Variants in SLC24A3 observed in about 807,000 individuals in gnomAD.
The protein encoded by SLC24A3 is sodium/potassium/calcium exchanger 3.
Under a neutral mutation model 75.8 loss-of-function variants are expected in SLC24A3, and 28 were observed. That is an observed-to-expected ratio of 0.37 (90% CI 0.27 to 0.51). The LOEUF (loss-of-function observed/expected upper bound fraction) is 0.51, where lower values mean the gene tolerates loss of function less well. SLC24A3 is among the 20% of genes least tolerant of loss of function. The pLI, the probability that SLC24A3 is intolerant of heterozygous loss-of-function variation, is 0.94. For synonymous variants in SLC24A3, 372 were observed against 334.1 expected (o/e 1.11, Z -1.24); for missense variants, 663 against 847.8 (o/e 0.78, Z 2.71).
At chr20:19,677,931 G>T (rs1400919561) in intron 9 of SLC24A3, among the ~76,000 whole-genome samples, 2 of 151,262 alleles carry the variant, frequency 1.3e-5, no homozygotes, top group African/African-American at 2.4e-5. Flanking sequence ...CTGCCTTCAA[G>T]CATCTGTTTA....
chr20:19,631,514 T>C (rs1240148591), intron 6 of SLC24A3, among the ~76,000 whole-genome samples: 2 of 152,154 alleles, frequency 1.3e-5, no homozygotes, highest in African/African-American at 4.8e-5. Flanking sequence ...CTATTGTAAG[T>C]TGAAGATATT....
intron 2 of SLC24A3, among the ~76,000 whole-genome samples, chr20:19,282,659 G>T (rs888899156): frequency 6.6e-6 from 1 of 152,252 alleles, no homozygotes; most frequent in African/African-American, 2.4e-5. Flanking sequence ...TCAGCTAATA[G>T]TATTAGAAAG....
intron 1 of SLC24A3, among the ~76,000 whole-genome samples, chr20:19,231,116 GT>G (rs1982009624): frequency 6.6e-6 from 1 of 152,092 alleles, no homozygotes; most frequent in Non-Finnish European, 1.5e-5. Flanking sequence ...CTTTCCCAAG[GT>G]AAAAAACAGG....
At chr20:19,649,469 C>T (rs2032175590) in intron 6 of SLC24A3, among the ~76,000 whole-genome samples, 1 of 152,148 alleles carries the variant, frequency 6.6e-6, no homozygotes. Flanking sequence ...TAGAATATAT[C>T]CCTTCCATAT....
At chr20:19,252,892 A>G (rs1279412670) in intron 1 of SLC24A3, among the ~76,000 whole-genome samples, 1 of 152,244 alleles carries the variant, frequency 6.6e-6, no homozygotes, top group Non-Finnish European at 1.5e-5. Flanking sequence ...AAAGAGACAC[A>G]TAGAAGAGGT....
chr20:19,214,675 A>G (rs6112257), intron 1 of SLC24A3, among the ~76,000 whole-genome samples: 62,062 of 151,916 alleles, frequency 0.41, 14,320 homozygotes, highest in East Asian at 0.77. Flanking sequence ...GGGATTTGGG[A>G]GGAGAGGAGG....
At chr20:19,670,209 T>A (rs1208898579) in intron 8 of SLC24A3, among the ~76,000 whole-genome samples, 1 of 123,556 alleles carries the variant, frequency 8.1e-6, no homozygotes, top group Admixed American at 8.7e-5. Flanking sequence ...GGAGAGGGGG[T>A]GGGGGGAAGG....
At chr20:19,355,749 T>G (rs2122331563) in intron 2 of SLC24A3, among the ~76,000 whole-genome samples, 1 of 152,320 alleles carries the variant, frequency 6.6e-6, no homozygotes, top group East Asian at 1.9e-4. Flanking sequence ...CAAGATCTGG[T>G]AGTGAGCCTA....
intron 2 of SLC24A3, among the ~76,000 whole-genome samples, chr20:19,333,149 GT>G (rs1261307402): frequency 6.6e-6 from 1 of 152,224 alleles, no homozygotes; most frequent in East Asian, 1.9e-4. Context: ...TTCAAGCCAT[GT>G]GGCTGTCTGT....
At chr20:19,528,256 G>A (rs772332108) in intron 3 of SLC24A3, among the ~76,000 whole-genome samples, 3 of 152,074 alleles carry the variant, frequency 2.0e-5, no homozygotes, top group Non-Finnish European at 2.9e-5. Context: ...ATTTGGAACC[G>A]GATCCCAAAG....
intron 2 of SLC24A3, among the ~76,000 whole-genome samples, chr20:19,445,217 A>G (rs928257600): frequency 3.9e-5 from 6 of 152,190 alleles, no homozygotes; most frequent in African/African-American, 1.4e-4. Flanking sequence ...ATTTCTAAAT[A>G]TAACCACTGG....
At chr20:19,586,976 G>A (rs1285084305) in intron 6 of SLC24A3, among the ~76,000 whole-genome samples, 1 of 152,176 alleles carries the variant, frequency 6.6e-6, no homozygotes, top group Non-Finnish European at 1.5e-5. Flanking sequence ...TAAAAAATGA[G>A]TCTCTGCCTT....
intron 3 of SLC24A3, among the ~76,000 whole-genome samples, chr20:19,515,875 C>T (rs2029977975): frequency 6.6e-6 from 1 of 152,226 alleles, no homozygotes; most frequent in Admixed American, 6.5e-5. Context: ...TCTTGGGGAG[C>T]CCTTTCCTAA....
At position 19,262,248 on chromosome 20, in the gene SLC24A3, CA is replaced by C. The variant is rs372221539; in HGVS notation, c.143-18704del. ...GAAACCCCGTCTCTACTAAAAAACACAAAAAAATTAGCCGGGCGTGGTGGCG... is the reference window on the plus strand; with the variant it reads ...GAAACCCCGTCTCTACTAAAAAACACAAAAAATTAGCCGGGCGTGGTGGCG... On this transcript the variant is annotated intron_variant, in intron 1 of 16. Coordinates refer to ENST00000328041, the MANE Select transcript of SLC24A3 (RefSeq NM_020689.4). Among the ~76,000 whole-genome samples, 302 of 150,730 alleles carry C rather than the reference CA, an allele frequency of 2.0e-3. 8 individuals carry two copies. In the South Asian group the frequency reaches 0.059, roughly 29 times the overall value.
chr20:19,288,956 A>G (rs992440494), intron 2 of SLC24A3, among the ~76,000 whole-genome samples: 9 of 152,198 alleles, frequency 5.9e-5, no homozygotes, highest in African/African-American at 1.9e-4. Context: ...TGAAAAGCCT[A>G]AAATATTTAT....
intron 6 of SLC24A3, among the ~76,000 whole-genome samples, chr20:19,648,393 C>T (rs1026366243): frequency 6.6e-6 from 1 of 152,110 alleles, no homozygotes; most frequent in African/African-American, 2.4e-5. Context: ...TTCTCACAGA[C>T]ACTAACAGTT....
chr20:19,628,071 G>T (rs371242204), intron 6 of SLC24A3, among the ~76,000 whole-genome samples: 1 of 151,120 alleles, frequency 6.6e-6, no homozygotes, highest in Non-Finnish European at 1.5e-5. Flanking sequence ...AGGCATGGTG[G>T]GGCACGCCTA....
At chr20:19,311,386 GC>G (rs1358977525) in intron 2 of SLC24A3, among the ~76,000 whole-genome samples, 1 of 152,160 alleles carries the variant, frequency 6.6e-6, no homozygotes, top group Non-Finnish European at 1.5e-5. Flanking sequence ...TGCTCCTTCA[GC>G]TTTCATGCTG....
intron 3 of SLC24A3, among the ~76,000 whole-genome samples, chr20:19,571,772 A>G (rs2031056042): frequency 6.6e-6 from 1 of 152,204 alleles, no homozygotes; most frequent in African/African-American, 2.4e-5. Flanking sequence ...CCAATGCCAA[A>G]TGACTAAATA....
Sources: gnomAD v4.1 joint callset for allele counts (sites outside exome capture counted in the v4.1 genomes callset) on GRCh38, gnomAD v4.1.1 for gene constraint, MANE v1.5 for transcripts, NCBI Gene and HGNC (gene_info 2026-07-23, HGNC 2026-07-21) for gene names.